Variants in SHISA6 observed in about 807,000 individuals in gnomAD.
The protein encoded by SHISA6 is protein shisa-6.
A neutral mutation model predicts 47.9 loss-of-function variants in SHISA6; 22 were observed. The ratio of observed to expected loss-of-function variants is 0.46; its 90% CI spans 0.33 to 0.66. The LOEUF (loss-of-function observed/expected upper bound fraction) is 0.66, where lower values mean the gene tolerates loss of function less well. SHISA6 is among the 30% of genes least tolerant of loss of function. SHISA6 has a pLI of 0.02. For missense variants in SHISA6, 680 were observed against 764.6 expected, an observed-to-expected ratio of 0.89 and a Z score of 1.30; for synonymous variants, 388 against 337.8, an observed-to-expected ratio of 1.15 and a Z score of -1.63.
At chr17:11,466,248 A>G (rs1238187278) in intron 3 of SHISA6, among the ~76,000 whole-genome samples, 2 of 152,192 alleles carry the variant, frequency 1.3e-5, no homozygotes, top group Non-Finnish European at 2.9e-5. Context: ...TGTCAAGTCA[A>G]GAATGTTGGG....
chr17:11,510,713 TC>T (rs1426718969), intron 3 of SHISA6, among the ~76,000 whole-genome samples: 5 of 152,210 alleles, frequency 3.3e-5, no homozygotes, highest in African/African-American at 9.6e-5. Flanking sequence ...TTACCAGCTG[TC>T]TTGGATTTGG....
At chr17:11,350,174 A>ATTTTTTTTTTTTTTTTTTTT (rs1310542458) in intron 2 of SHISA6, among the ~76,000 whole-genome samples, 1 of 100,386 alleles carries the variant, frequency 1.0e-5, no homozygotes. Context: ...TTATTTATTT[A>ATTTTTTTTTTTTTTTTTTTT]TTTATTTATT....
intron 5 of SHISA6, 111 bp from the exon 6 acceptor site, chr17:11,557,643 C>T (rs2071994149): frequency 9.5e-7 from 1 of 1,053,726 alleles, no homozygotes; most frequent in Non-Finnish European, 1.3e-6. Flanking sequence ...ACTGTATTAT[C>T]CCTTAAGGTT....
chr17:11,537,482 C>T (rs1415182891), intron 3 of SHISA6, among the ~76,000 whole-genome samples: 3 of 151,970 alleles, frequency 2.0e-5, no homozygotes, highest in South Asian at 4.2e-4. Context: ...ATCTTCAAGC[C>T]GAAGTGCCAA....
intron 3 of SHISA6, among the ~76,000 whole-genome samples, chr17:11,494,613 AAACAT>A (rs2142341155): frequency 6.6e-6 from 1 of 152,314 alleles, no homozygotes; most frequent in South Asian, 2.1e-4. Flanking sequence ...AATAGAGTGA[AAACAT>A]AACAGAACTG....
At chr17:11,501,464 G>T (rs570306939) in intron 3 of SHISA6, among the ~76,000 whole-genome samples, 1 of 152,262 alleles carries the variant, frequency 6.6e-6, no homozygotes, top group Admixed American at 6.5e-5. Flanking sequence ...CTATTTTCAA[G>T]ACAACAAAGA....
At chr17:11,534,410 A>G (rs951158540) in intron 3 of SHISA6, among the ~76,000 whole-genome samples, 1 of 152,100 alleles carries the variant, frequency 6.6e-6, no homozygotes, top group African/African-American at 2.4e-5. Flanking sequence ...GCCCGGCATA[A>G]TGGCCATATT....
Position 11,502,673 on chromosome 17 carries a change from G to A in SHISA6, c.896-49223G>A, listed in dbSNP as rs568632828. On this transcript the variant is annotated intron_variant, in intron 3 of 5. Coordinates refer to ENST00000441885, the MANE Select transcript of SHISA6 (RefSeq NM_207386.4). Reference sequence around the variant, plus strand: ...ACCCAGGAGGCAGAGGTTGCAGTGAGCTGAGATCGTGCCATCGCACTCCAG... The same window carrying A: ...ACCCAGGAGGCAGAGGTTGCAGTGAACTGAGATCGTGCCATCGCACTCCAG... Among the ~76,000 whole-genome samples the A allele has an allele frequency of 1.6e-4, 24 of 152,308 alleles. 1 individual carries two copies. In the South Asian group the frequency reaches 1.9e-3, roughly 12 times the overall value.
intron 3 of SHISA6, among the ~76,000 whole-genome samples, chr17:11,501,945 G>C (rs2969188): frequency 0.4 from 60,475 of 151,968 alleles, 12,109 homozygotes; most frequent in East Asian, 0.54. Context: ...TGCTAGGAAG[G>C]GGACAATTCC....
chr17:11,417,143 A>C (rs1914303674), intron 3 of SHISA6, among the ~76,000 whole-genome samples: 1 of 152,230 alleles, frequency 6.6e-6, no homozygotes. Context: ...CTAAAAGGAG[A>C]TAACAGTTCA....
chr17:11,485,985 A>T (rs1916338964), intron 3 of SHISA6, among the ~76,000 whole-genome samples: 1 of 152,172 alleles, frequency 6.6e-6, no homozygotes, highest in African/African-American at 2.4e-5. Context: ...CGCATGCCAG[A>T]TGGTCCTGTT....
chr17:11,457,602 A>G (rs1915574444), intron 3 of SHISA6, among the ~76,000 whole-genome samples: 1 of 150,804 alleles, frequency 6.6e-6, no homozygotes, highest in Admixed American at 6.6e-5. Flanking sequence ...TTAGTTGGGT[A>G]TGGTGGCATG....
chr17:11,246,688 T>C (rs373920018), intron 1 of SHISA6, among the ~76,000 whole-genome samples: 12 of 152,194 alleles, frequency 7.9e-5, no homozygotes, highest in African/African-American at 2.4e-4. Flanking sequence ...CCTGCCTTCA[T>C]GTGCCACAGG....
intron 1 of SHISA6, among the ~76,000 whole-genome samples, chr17:11,250,506 T>G (rs1192839230): frequency 6.6e-6 from 1 of 152,116 alleles, no homozygotes; most frequent in Non-Finnish European, 1.5e-5. Context: ...GCAGGCTGAG[T>G]GTAAAGGCAG....
intron 3 of SHISA6, among the ~76,000 whole-genome samples, chr17:11,476,636 A>G (rs926562099): frequency 6.6e-6 from 1 of 151,618 alleles, no homozygotes; most frequent in African/African-American, 2.4e-5. Flanking sequence ...TTCTGAGAAC[A>G]GATGTTATGT....
intron 2 of SHISA6, among the ~76,000 whole-genome samples, chr17:11,365,381 G>A (rs1912414846): frequency 6.6e-6 from 1 of 151,994 alleles, no homozygotes; most frequent in Non-Finnish European, 1.5e-5. Flanking sequence ...AGATTCAAGC[G>A]ATTCTCTTGC....
chr17:11,552,945 G>C (rs1242239900), intron 4 of SHISA6, among the ~76,000 whole-genome samples: 1 of 152,202 alleles, frequency 6.6e-6, no homozygotes, highest in Non-Finnish European at 1.5e-5. Context: ...AGAAAGGACG[G>C]TTGAGATATG....
At chr17:11,371,876 C>T (rs56108696) in intron 2 of SHISA6, among the ~76,000 whole-genome samples, 4,649 of 152,136 alleles carry the variant, frequency 0.031, 239 homozygotes, top group African/African-American at 0.1. Flanking sequence ...TCCCTCCCAT[C>T]AGCCCCACCC....
At chr17:11,313,882 C>T (rs1190507243) in intron 2 of SHISA6, among the ~76,000 whole-genome samples, 4 of 151,928 alleles carry the variant, frequency 2.6e-5, no homozygotes, top group South Asian at 2.1e-4. Flanking sequence ...GTTGGATGGC[C>T]GGCCACTGAA....
Sources: gnomAD v4.1 joint callset for allele counts (sites outside exome capture counted in the v4.1 genomes callset) on GRCh38, gnomAD v4.1.1 for gene constraint, MANE v1.5 for transcripts, NCBI Gene and HGNC (gene_info 2026-07-23, HGNC 2026-07-21) for gene names.